The following ASTN1 variants were observed in gnomAD, a reference collection of about 807,000 sequenced individuals.
The protein encoded by ASTN1 is astrotactin 1, also known as astrotactin-1.
In ASTN1, 41 loss-of-function variants were observed where a neutral mutation model predicts 140.7. The ratio of observed to expected loss-of-function variants is 0.29; its 90% confidence interval spans 0.23 to 0.38. The LOEUF is 0.38. Among genes scored for constraint, ASTN1 ranks in the 10% least tolerant of loss-of-function variants. ASTN1 has a pLI of 1.00. For synonymous variants in ASTN1, 640 were observed against 652.2 expected, an observed-to-expected ratio of 0.98 and a Z score of 0.29; for missense variants, 1,479 against 1,678.8, an observed-to-expected ratio of 0.88 and a Z score of 2.08.
rs541627758 is a variant in ASTN1, at chr1:177,001,966, C to T, written c.1523+12825G>A. ...TGTTCTATGTCACAATGGAAGACCACGCTTAGAACTGTGGTCTGGACAGCC... is the reference window on the plus strand; with the variant it reads ...TGTTCTATGTCACAATGGAAGACCATGCTTAGAACTGTGGTCTGGACAGCC... On this transcript the variant is annotated intron_variant, in intron 8 of 22. Coordinates refer to ENST00000361833, the MANE Select transcript of ASTN1 (RefSeq NM_004319.3). 1.6e-4 allele frequency among the ~76,000 whole-genome samples: 24 copies of T among 152,242 alleles called. No homozygotes were observed. In the South Asian group the frequency reaches 4.4e-3, roughly 28 times the overall value.
chr1:177,086,711 T>C (rs1454892829), intron 1 of ASTN1, among the ~76,000 whole-genome samples: 1 of 152,176 alleles, frequency 6.6e-6, no homozygotes, highest in Non-Finnish European at 1.5e-5. Context: ...AGAAATTATA[T>C]ATGCATAGAA....
chr1:176,952,356 A>T (rs1672228407), intron 11 of ASTN1, among the ~76,000 whole-genome samples: 1 of 148,894 alleles, frequency 6.7e-6, no homozygotes, highest in Non-Finnish European at 1.5e-5. Flanking sequence ...TTAGGACAAA[A>T]CATTATAAAG....
intron 1 of ASTN1, among the ~76,000 whole-genome samples, chr1:177,084,109 C>T (rs963507755): frequency 4.6e-5 from 7 of 152,168 alleles, no homozygotes; most frequent in Non-Finnish European, 8.8e-5. Context: ...CAGTGCCATC[C>T]GCCTCTGACT....
At chr1:176,964,562 C>T (rs987533938) in intron 9 of ASTN1, among the ~76,000 whole-genome samples, 1 of 152,098 alleles carries the variant, frequency 6.6e-6, no homozygotes, top group Admixed American at 6.6e-5. Flanking sequence ...CTGCTGTGGG[C>T]CTTTCTAATA....
downstream of ASTN1, chr1:176,857,627 T>C (rs368033778): frequency 2.5e-4 from 159 of 627,186 alleles, 1 homozygote; most frequent in African/African-American, 2.8e-3. Flanking sequence ...ACAACTCCTC[T>C]GACTGTCCCA....
Position 176,861,417 on chromosome 1 carries a change from C to A in ASTN1, c.*2867G>T. Reference sequence around the variant, plus strand: ...GGAGAGTGTTGGTGGGATATAAGCACCTCCCTTAAGACCTGTTTGGCAGCT... The same window carrying A: ...GGAGAGTGTTGGTGGGATATAAGCAACTCCCTTAAGACCTGTTTGGCAGCT... On this transcript the variant is annotated 3_prime_UTR_variant, in exon 23 of 23. Coordinates refer to ENST00000361833, the MANE Select transcript of ASTN1 (RefSeq NM_004319.3). 1 of 985,794 alleles carries A rather than the reference C, an allele frequency of 1.0e-6. No homozygotes were observed. The highest frequency in any genetic ancestry group is 1.2e-6 in the Non-Finnish European group (1 of 829,922). The allele number at this position is 985,794 out of a possible 1,614,324, so 61.1% of individuals were successfully genotyped here.
At chr1:177,055,167 C>T (rs901703919) in intron 2 of ASTN1, among the ~76,000 whole-genome samples, 1 of 152,192 alleles carries the variant, frequency 6.6e-6, no homozygotes, top group African/African-American at 2.4e-5. Flanking sequence ...GTGGTAAAGC[C>T]AGCATATGAA....
intron 21 of ASTN1, among the ~76,000 whole-genome samples, chr1:176,873,104 T>C (rs559427687): frequency 6.6e-6 from 1 of 152,222 alleles, no homozygotes; most frequent in Non-Finnish European, 1.5e-5. Context: ...CAGATTTTGA[T>C]TCTAATTGCT....
intron 1 of ASTN1, among the ~76,000 whole-genome samples, chr1:177,153,835 T>A (rs377022500): frequency 6.6e-6 from 1 of 152,148 alleles, no homozygotes; most frequent in African/African-American, 2.4e-5. Flanking sequence ...CTCCCTCGTA[T>A]CTAAAATGCT....
chr1:177,042,055 T>C (rs1338732231), intron 2 of ASTN1, among the ~76,000 whole-genome samples: 1 of 152,134 alleles, frequency 6.6e-6, no homozygotes, highest in Non-Finnish European at 1.5e-5. Flanking sequence ...TTTCTCTGAA[T>C]TTGGCACATA....
chr1:177,045,840 C>A (rs976789725), intron 2 of ASTN1, among the ~76,000 whole-genome samples: 67 of 152,100 alleles, frequency 4.4e-4, no homozygotes, highest in African/African-American at 1.5e-3. Flanking sequence ...CCAGAGAAGT[C>A]AAAACTTGTA....
intron 7 of ASTN1, among the ~76,000 whole-genome samples, chr1:177,017,411 C>T: frequency 6.6e-6 from 1 of 152,326 alleles, no homozygotes; most frequent in East Asian, 1.9e-4. Flanking sequence ...CCAGTTTGGC[C>T]ATCTCCAACG....
At chr1:177,105,597 T>G (rs1024746630) in intron 1 of ASTN1, among the ~76,000 whole-genome samples, 1 of 151,956 alleles carries the variant, frequency 6.6e-6, no homozygotes. Context: ...GTCATCCCAC[T>G]GTAAATTACA....
intron 2 of ASTN1, among the ~76,000 whole-genome samples, chr1:177,045,845 C>T (rs1677190984): frequency 6.6e-6 from 1 of 152,164 alleles, no homozygotes; most frequent in Admixed American, 6.5e-5. Context: ...GAAGTCAAAA[C>T]TTGTAATCAC....
At chr1:176,881,687 AT>A (rs1668805874) in intron 20 of ASTN1, among the ~76,000 whole-genome samples, 1 of 152,184 alleles carries the variant, frequency 6.6e-6, no homozygotes, top group Admixed American at 6.5e-5. Context: ...TAGTATTCTC[AT>A]CTGTGTCTAT....
At chr1:177,057,130 C>A (rs1677844393) in intron 2 of ASTN1, among the ~76,000 whole-genome samples, 1 of 152,084 alleles carries the variant, frequency 6.6e-6, no homozygotes, top group Admixed American at 6.5e-5. Flanking sequence ...GAAGGGAAAT[C>A]CAATTATTCT....
intron 8 of ASTN1, among the ~76,000 whole-genome samples, chr1:176,993,419 G>A (rs916488081): frequency 6.6e-6 from 1 of 152,190 alleles, no homozygotes; most frequent in East Asian, 1.9e-4. Context: ...AAACAAGGAT[G>A]AGAACAGAAG....
chr1:176,990,640 T>C (rs907819127), intron 8 of ASTN1, among the ~76,000 whole-genome samples: 5 of 152,056 alleles, frequency 3.3e-5, no homozygotes, highest in African/African-American at 1.2e-4. Context: ...AGAGAAAATA[T>C]GGCTGTTAAA....
intron 8 of ASTN1, among the ~76,000 whole-genome samples, chr1:176,994,868 C>CT (rs1220013671): frequency 6.6e-6 from 1 of 151,840 alleles, no homozygotes; most frequent in South Asian, 2.1e-4. Context: ...TATTACTCAT[C>CT]TTTTTTTTCC....
Sources: gnomAD v4.1 joint callset for allele counts (sites outside exome capture counted in the v4.1 genomes callset) on GRCh38, gnomAD v4.1.1 for gene constraint, MANE v1.5 for transcripts, NCBI Gene and HGNC (gene_info 2026-07-23, HGNC 2026-07-21) for gene names.